Variants in RTF2 observed in about 807,000 individuals in gnomAD.
The protein encoded by RTF2 is replication termination factor 2, also known as UPF0549 protein C20orf43.
A neutral mutation model predicts 38.0 loss-of-function variants in RTF2; 18 were observed. That is an observed-to-expected ratio of 0.47 (90% CI 0.33 to 0.70). The LOEUF (loss-of-function observed/expected upper bound fraction) is 0.70. Among genes scored for constraint, RTF2 ranks in the 30% least tolerant of loss-of-function variants. The probability of loss-of-function intolerance (pLI) is 0.02; values close to 1 mark genes in which losing one functional copy is unlikely to be tolerated. For synonymous variants in RTF2, 126 were observed against 137.1 expected (o/e 0.92, Z 0.57); for missense variants, 311 against 379.6 (o/e 0.82, Z 1.50).
Position 56,518,457 on chromosome 20 carries a change from G to A in RTF2, c.*192G>A, listed in dbSNP as rs903657473. On this transcript the variant is annotated 3_prime_UTR_variant, in exon 9 of 9. Transcript: ENST00000357348. ...GTCGGTTCCAGGGGGGACATGGGAG[G>A]GGCTGCACAGTGGCCCGAGGTCATG... The A allele has an allele frequency of 2.8e-5, 15 of 532,618 alleles. No homozygotes were observed. In the East Asian group the frequency reaches 4.5e-4, roughly 16 times the overall value. The allele number at this position is 532,618 out of a possible 1,614,324, so 33.0% of individuals were successfully genotyped here.
intron 5 of RTF2, among the ~76,000 whole-genome samples, chr20:56,494,844 G>A (rs915454107): frequency 2.6e-5 from 4 of 152,146 alleles, no homozygotes; most frequent in Non-Finnish European, 5.9e-5. Context: ...TCAAACCCAA[G>A]GTCTCTACCC....
chr20:56,496,448 T>C (rs1983540625), intron 5 of RTF2, among the ~76,000 whole-genome samples: 1 of 152,074 alleles, frequency 6.6e-6, no homozygotes, highest in South Asian at 2.1e-4. Flanking sequence ...CTGGGGAGGC[T>C]GAGGTGGGAG....
chr20:56,480,412 T>C (rs1982473539), intron 4 of RTF2, among the ~76,000 whole-genome samples: 1 of 152,250 alleles, frequency 6.6e-6, no homozygotes, highest in Non-Finnish European at 1.5e-5. Flanking sequence ...TCTGTCACTG[T>C]GGCTAGTTTG....
At chr20:56,500,552 A>G (rs1167747127) in intron 5 of RTF2, among the ~76,000 whole-genome samples, 1 of 152,152 alleles carries the variant, frequency 6.6e-6, no homozygotes, top group Non-Finnish European at 1.5e-5. Flanking sequence ...TTGGGAAAAT[A>G]CCCAGGCTAA....
At chr20:56,477,222 T>C in intron 4 of RTF2, 98 bp downstream of exon 4, 1 of 1,426,648 alleles carries the variant, frequency 7.0e-7, no homozygotes, top group Non-Finnish European at 9.6e-7. Context: ...TGTGGCTTGC[T>C]TTCTGGTGTC....
chr20:56,510,930 G>A (rs1984622381), intron 5 of RTF2, among the ~76,000 whole-genome samples: 1 of 152,304 alleles, frequency 6.6e-6, no homozygotes, highest in South Asian at 2.1e-4. Context: ...TCCAGCCTGG[G>A]TGACTGAGTG....
chr20:56,502,705 ATTAAT>A (rs1399691669), intron 5 of RTF2, among the ~76,000 whole-genome samples: 1 of 152,210 alleles, frequency 6.6e-6, no homozygotes, highest in African/African-American at 2.4e-5. Context: ...AAGCATTAAC[ATTAAT>A]TTAACCAGCA....
chr20:56,516,864 T>C (rs1389835411), intron 6 of RTF2, 71 bp from the exon 7 acceptor site: 20 of 1,429,572 alleles, frequency 1.4e-5, no homozygotes, highest in Non-Finnish European at 1.8e-5. Context: ...CCCGGGACAA[T>C]GGGCAGCCAC....
In RTF2 at chr20:56,473,304, G is replaced by T; in HGVS notation, c.73G>T (p.Asp25Tyr). Residue 25 changes from aspartate to tyrosine, a missense_variant, in exon 2 of 9, where the codon GAC (aspartate) becomes TAC (tyrosine). Coordinates refer to ENST00000357348, the MANE Select transcript of RTF2 (RefSeq NM_016407.5). ...TGAATTTTTTGTTTTTTATTAGGTC[G>T]ACAAAGATGCTGAATTAGTGGCCCA... Reference protein sequence around the residue: ...VKGPKKVEKVDKDAELVAQWN... With the variant: ...VKGPKKVEKVYKDAELVAQWN... The T allele has an allele frequency of 6.2e-7, 1 of 1,611,900 alleles. No homozygotes were observed. The highest frequency in any genetic ancestry group is 1.1e-5 in the South Asian group (1 of 90,900).
intron 4 of RTF2, among the ~76,000 whole-genome samples, chr20:56,481,702 T>C (rs956633012): frequency 1.3e-5 from 2 of 152,202 alleles, no homozygotes; most frequent in Admixed American, 1.3e-4. Context: ...AAAGTGTATG[T>C]TTCAGTGGCA....
intron 4 of RTF2, among the ~76,000 whole-genome samples, chr20:56,479,279 G>T (rs984850843): frequency 6.6e-6 from 1 of 152,142 alleles, no homozygotes; most frequent in Non-Finnish European, 1.5e-5. Flanking sequence ...CGTCTGGAGT[G>T]CAGTGGCACA....
At chr20:56,477,860 A>C (rs1392870029) in intron 4 of RTF2, among the ~76,000 whole-genome samples, 5 of 152,238 alleles carry the variant, frequency 3.3e-5, no homozygotes, top group African/African-American at 9.6e-5. Context: ...GTGGTTAATC[A>C]GTCAACCAAA....
chr20:56,515,035 T>TAAA (rs577137134), intron 6 of RTF2, among the ~76,000 whole-genome samples: 1 of 124,058 alleles, frequency 8.1e-6, no homozygotes. Flanking sequence ...AGACTCCCTC[T>TAAA]AAAAAAAAAA....
chr20:56,508,512 A>G (rs1172451957), intron 5 of RTF2, among the ~76,000 whole-genome samples: 1 of 152,120 alleles, frequency 6.6e-6, no homozygotes, highest in African/African-American at 2.4e-5. Context: ...TTAATAACAG[A>G]CCTTATCTGG....
At chr20:56,484,819 G>A (rs1982705339) in intron 5 of RTF2, among the ~76,000 whole-genome samples, 1 of 152,134 alleles carries the variant, frequency 6.6e-6, no homozygotes, top group Non-Finnish European at 1.5e-5. Context: ...GTGTGTCTTG[G>A]GTGTACTGCT....
chr20:56,502,126 T>C (rs1192795181), intron 5 of RTF2, among the ~76,000 whole-genome samples: 1 of 152,222 alleles, frequency 6.6e-6, no homozygotes, highest in Non-Finnish European at 1.5e-5. Flanking sequence ...ATCCAAGAGA[T>C]ACAGTAGAGT....
intron 4 of RTF2, among the ~76,000 whole-genome samples, chr20:56,477,712 C>G (rs549003319): frequency 6.6e-6 from 1 of 152,220 alleles, no homozygotes; most frequent in Non-Finnish European, 1.5e-5. Flanking sequence ...GAGATAGGGT[C>G]TCCCTATGTT....
At chr20:56,485,347 G>A (rs1207153530) in intron 5 of RTF2, among the ~76,000 whole-genome samples, 1 of 152,222 alleles carries the variant, frequency 6.6e-6, no homozygotes, top group Admixed American at 6.5e-5. Context: ...AACAGAAAGT[G>A]TGAGAGTGGA....
At chr20:56,516,149 G>T (rs1484014702) in intron 6 of RTF2, 1 of 152,186 alleles carries the variant, frequency 6.6e-6, no homozygotes. Context: ...AGGCCTGAGA[G>T]GTCTTTCTTT....
Sources: allele counts gnomAD v4.1 joint callset (sites outside exome capture counted in the v4.1 genomes callset), GRCh38; gene constraint gnomAD v4.1.1; transcripts MANE v1.5; gene names NCBI Gene and HGNC (gene_info 2026-07-23, HGNC 2026-07-21).